Variants in TTLL9 observed in about 807,000 individuals in gnomAD.
TTLL9 encodes the protein tubulin tyrosine ligase like 9, also known as probable tubulin polyglutamylase TTLL9.
TTLL9 carries 47 observed loss-of-function variants against 65.6 expected under a neutral mutation model. The ratio of observed to expected loss-of-function variants is 0.72; its 90% CI spans 0.57 to 0.91. The LOEUF is 0.91. TTLL9 is among the 40% of genes least tolerant of loss of function. TTLL9 has a pLI of 0.00. For missense variants in TTLL9, 537 were observed against 568.8 expected (o/e 0.94, Z 0.57); for synonymous variants, 179 against 204.8 (o/e 0.87, Z 1.07).
chr20:31,887,472 A>G (rs1383122094), intron 3 of TTLL9, among the ~76,000 whole-genome samples: 1 of 152,202 alleles, frequency 6.6e-6, no homozygotes, highest in Admixed American at 6.5e-5. Flanking sequence ...AGATACTACT[A>G]TTGTGTCCAT....
intron 10 of TTLL9, 100 bp from the exon 11 acceptor site, chr20:31,933,700 G>A (rs1315712101): frequency 2.6e-5 from 30 of 1,135,604 alleles, no homozygotes; most frequent in East Asian, 1.3e-4. Context: ...GAGCTATTTC[G>A]TAGCCTTCCC....
In TTLL9 at chr20:31,934,491, C is replaced by A. The variant is rs1426650894; in HGVS notation, c.808-201C>A. 15 of 682,394 alleles carry A rather than the reference C, an allele frequency of 2.2e-5. No individual in the cohort carries two copies. The Admixed American group carries it at 3.1e-4, about 14-fold the overall frequency. 42.3% of individuals were successfully genotyped at this position (682,394 alleles called of 1,614,324 possible). A position where few individuals can be genotyped will look rare whatever the true frequency, so the allele number is the denominator to read the frequency against. ...GTGGGCAGGGACTTCTGGGGTCCTG[C>A]ATAGCCAGTCCTCTTAGACATGAAG... On this transcript the variant is annotated intron_variant, in intron 11 of 14. Coordinates refer to ENST00000535842, the MANE Select transcript of TTLL9 (RefSeq NM_001008409.5).
chr20:31,904,250 T>A (rs952838875), intron 4 of TTLL9, among the ~76,000 whole-genome samples: 149 of 151,098 alleles, frequency 9.9e-4, no homozygotes, highest in African/African-American at 1.9e-3. Context: ...TAACTTTTTT[T>A]AAAAATAATA....
intron 2 of TTLL9, among the ~76,000 whole-genome samples, chr20:31,873,722 GAAAGAAAGAAAGAAA>G (rs2123352720): frequency 8.1e-6 from 1 of 123,302 alleles, no homozygotes; most frequent in Non-Finnish European, 1.7e-5. Context: ...AAGAAAGAAA[GAAAGAAAGAAAGAAA>G]AAGGAAGGAA....
chr20:31,931,976 T>TCTATTTTTCTCTATTTTTCTCTA (rs2064020147), intron 10 of TTLL9, among the ~76,000 whole-genome samples: 3 of 152,240 alleles, frequency 2.0e-5, no homozygotes, highest in Admixed American at 6.5e-5. Flanking sequence ...TCACAGTGAC[T>TCTATTTTTCTCTATTTTTCTCTA]TATTCCTCTA....
intron 13 of TTLL9, 105 bp from the exon 14 acceptor site, chr20:31,939,037 G>A: frequency 7.5e-7 from 1 of 1,330,346 alleles, no homozygotes; most frequent in Non-Finnish European, 1.0e-6. Context: ...GACTTCTGAG[G>A]GACGGACATC....
At chr20:31,882,621 AT>A (rs202106973) in intron 2 of TTLL9, among the ~76,000 whole-genome samples, 2 of 152,218 alleles carry the variant, frequency 1.3e-5, no homozygotes, top group East Asian at 3.9e-4. Flanking sequence ...CAATAAGATA[AT>A]TTTTTAAAAA....
chr20:31,897,038 G>C (rs2063397998), intron 3 of TTLL9, among the ~76,000 whole-genome samples: 2 of 152,138 alleles, frequency 1.3e-5, no homozygotes, highest in African/African-American at 4.8e-5. Context: ...ATACTAGCTT[G>C]GCAAAATGAA....
At chr20:31,906,321 C>T (rs180979341) in intron 4 of TTLL9, among the ~76,000 whole-genome samples, 5 of 152,322 alleles carry the variant, frequency 3.3e-5, no homozygotes, top group African/African-American at 9.6e-5. Context: ...CTGACTCACA[C>T]GTGTGGCAGT....
chr20:31,913,657 C>T (rs752948407), intron 6 of TTLL9, among the ~76,000 whole-genome samples: 2 of 152,188 alleles, frequency 1.3e-5, no homozygotes, highest in South Asian at 4.1e-4. Flanking sequence ...AGGGAGCAGG[C>T]AGCATCATTC....
At chr20:31,932,327 C>G (rs1014974385) in intron 10 of TTLL9, among the ~76,000 whole-genome samples, 4 of 151,876 alleles carry the variant, frequency 2.6e-5, no homozygotes, top group Non-Finnish European at 4.4e-5. Flanking sequence ...CAAAAACTAG[C>G]CGGGCATGAT....
intron 4 of TTLL9, among the ~76,000 whole-genome samples, chr20:31,905,087 T>C (rs993858465): frequency 6.6e-6 from 1 of 152,154 alleles, no homozygotes; most frequent in African/African-American, 2.4e-5. Flanking sequence ...TTCTTTTTTT[T>C]TGAGATGGAG....
intron 4 of TTLL9, 97 bp downstream of exon 4, chr20:31,898,662 G>C (rs1402425145): frequency 2.9e-6 from 3 of 1,020,038 alleles, no homozygotes; most frequent in East Asian, 4.9e-5. Flanking sequence ...TGGCCACTGG[G>C]ACTTGTCCCA....
chr20:31,944,108 G>A lies in TTLL9; in HGVS notation c.*1087G>A, dbSNP rs186753664. The A allele has an allele frequency of 2.1e-5, 7 of 329,194 alleles. No homozygotes were observed. The Admixed American group carries it at 2.7e-4, about 13-fold the overall frequency. 20.4% of individuals were successfully genotyped at this position (329,194 alleles called of 1,614,324 possible). A position where few individuals can be genotyped will look rare whatever the true frequency, so the allele number is the denominator to read the frequency against. On this transcript the variant is annotated 3_prime_UTR_variant, in exon 15 of 15. Transcript: ENST00000535842. ...CCAGCCGACTTTAGGAAAGCCAGAA[G>A]CCAGGCTACTCTAGACCTTCTGCCT...
At chr20:31,897,665 C>T (rs1427154558) in intron 3 of TTLL9, among the ~76,000 whole-genome samples, 1 of 152,154 alleles carries the variant, frequency 6.6e-6, no homozygotes, top group Admixed American at 6.6e-5. Context: ...TACCGCCTGG[C>T]AGGGATGAAA....
chr20:31,925,916 G>C, intron 9 of TTLL9, 133 bp from the exon 10 acceptor site: 2 of 1,553,118 alleles, frequency 1.3e-6, no homozygotes, highest in Non-Finnish European at 1.7e-6. Context: ...GGCTTTGCCC[G>C]ATTCTCCAAC....
intron 5 of TTLL9, 85 bp from the exon 6 acceptor site, chr20:31,909,652 A>T: frequency 3.1e-6 from 4 of 1,290,926 alleles, no homozygotes; most frequent in Admixed American, 1.9e-5. Flanking sequence ...TGGAGGCTGC[A>T]GGGTGGCTGG....
At chr20:31,933,970 C>A in intron 11 of TTLL9, 112 bp downstream of exon 11, 1 of 1,172,320 alleles carries the variant, frequency 8.5e-7, no homozygotes, top group Non-Finnish European at 1.2e-6. Context: ...CCTGTGTTCA[C>A]CAGTGAGGCA....
chr20:31,905,756 G>A (rs752778033), intron 4 of TTLL9, among the ~76,000 whole-genome samples: 1 of 152,106 alleles, frequency 6.6e-6, no homozygotes. Context: ...ATTCCAGGCC[G>A]GGCGCGGTGG....
Sources: gnomAD v4.1 joint callset for allele counts (sites outside exome capture counted in the v4.1 genomes callset) on GRCh38, gnomAD v4.1.1 for gene constraint, MANE v1.5 for transcripts, NCBI Gene and HGNC (gene_info 2026-07-23, HGNC 2026-07-21) for gene names.